The following TTC39B variants were observed in gnomAD, a reference collection of about 807,000 sequenced individuals.
The protein encoded by TTC39B is tetratricopeptide repeat domain 39B.
TTC39B carries 92 observed loss-of-function variants against 96.6 expected under a neutral mutation model. The ratio of observed to expected loss-of-function variants is 0.95; its 90% confidence interval spans 0.80 to 1.13. TTC39B has a LOEUF of 1.13. Among genes scored for constraint, TTC39B ranks in the 50% most tolerant of loss-of-function variants. The pLI is 0.00. For synonymous variants in TTC39B, 367 were observed against 299.4 expected, an observed-to-expected ratio of 1.23 and a Z score of -2.33; for missense variants, 955 against 809.3, an observed-to-expected ratio of 1.18 and a Z score of -2.18.
chr9:15,168,688 T>G (rs936974247), exon 20 of TTC39B: 3 of 152,360 alleles, frequency 2.0e-5, no homozygotes, highest in Non-Finnish European at 2.9e-5. Context: ...GGCGGGCGCC[T>G]GTAGTCCCAG....
intron 2 of TTC39B, among the ~76,000 whole-genome samples, chr9:15,265,126 A>G (rs1823084440): frequency 6.6e-6 from 1 of 152,206 alleles, no homozygotes; most frequent in African/African-American, 2.4e-5. Flanking sequence ...TGAGATAGGA[A>G]TCTAAATTAA....
intron 6 of TTC39B, among the ~76,000 whole-genome samples, chr9:15,205,370 G>A (rs1247378030): frequency 3.3e-5 from 5 of 152,130 alleles, no homozygotes; most frequent in African/African-American, 1.2e-4. Flanking sequence ...GTACTTTCTT[G>A]CACTTATACA....
At chr9:15,300,800 C>T (rs187475724) in intron 1 of TTC39B, among the ~76,000 whole-genome samples, 4 of 136,214 alleles carry the variant, frequency 2.9e-5, no homozygotes, top group Non-Finnish European at 6.2e-5. Flanking sequence ...GCAGGAGAAT[C>T]GGTTGAACCC....
chr9:15,244,977 C>T (rs1822209556), intron 2 of TTC39B, among the ~76,000 whole-genome samples: 1 of 152,182 alleles, frequency 6.6e-6, no homozygotes. Flanking sequence ...GTCATTTTCT[C>T]AGGCTAGATA....
chr9:15,168,025 C>CA (rs1465988781), exon 20 of TTC39B: 2 of 152,162 alleles, frequency 1.3e-5, no homozygotes, highest in Non-Finnish European at 2.9e-5. Context: ...GCAAACTTCA[C>CA]AGATATGTAT....
At chr9:15,163,898 T>C (rs931496446) in exon 20 of TTC39B, 1 of 152,228 alleles carries the variant, frequency 6.6e-6, no homozygotes, top group South Asian at 2.1e-4. Context: ...TGTCATCATG[T>C]TGAAATTTTA....
chr9:15,283,667 G>C (rs960263794), intron 1 of TTC39B, among the ~76,000 whole-genome samples: 1 of 152,136 alleles, frequency 6.6e-6, no homozygotes. Context: ...TATGGAATTG[G>C]CACAGGAACA....
intron 1 of TTC39B, among the ~76,000 whole-genome samples, chr9:15,270,928 A>G (rs1445209427): frequency 6.6e-6 from 1 of 152,212 alleles, no homozygotes; most frequent in East Asian, 1.9e-4. Flanking sequence ...TTTACTGAGT[A>G]CCTATCATGT....
intron 1 of TTC39B, among the ~76,000 whole-genome samples, chr9:15,295,079 A>C (rs891038975): frequency 6.6e-6 from 1 of 152,226 alleles, no homozygotes; most frequent in African/African-American, 2.4e-5. Flanking sequence ...TTACATGCAC[A>C]TGAAGGAAAC....
chr9:15,289,740 A>T (rs117053693), intron 1 of TTC39B, among the ~76,000 whole-genome samples: 1,543 of 152,316 alleles, frequency 0.01, 18 homozygotes, highest in Middle Eastern at 0.017. Context: ...GTTCACTCGT[A>T]ATGGCTTAGA....
intron 6 of TTC39B, among the ~76,000 whole-genome samples, chr9:15,207,024 C>T (rs867775230): frequency 6.6e-6 from 1 of 152,188 alleles, no homozygotes. Context: ...TGACAAGTTC[C>T]TCCTACACGC....
intron 19 of TTC39B, 23 bp from the exon 20 acceptor site, chr9:15,172,132 T>C (rs1269300370): frequency 4.4e-6 from 7 of 1,584,062 alleles, no homozygotes; most frequent in African/African-American, 2.7e-5. Flanking sequence ...ACAATAAAAT[T>C]GTACAGTCAA....
chr9:15,211,448 T>C (rs1820195368), intron 4 of TTC39B, 51 bp from the exon 5 acceptor site: 2 of 1,386,834 alleles, frequency 1.4e-6, no homozygotes, highest in African/African-American at 1.5e-5. Context: ...GAAATACTGA[T>C]CATAAGAAAT....
chr9:15,285,217 C>A (rs575945632), intron 1 of TTC39B, among the ~76,000 whole-genome samples: 1 of 150,590 alleles, frequency 6.6e-6, no homozygotes, highest in African/African-American at 2.4e-5. Flanking sequence ...TGCAGTGAGC[C>A]GAGATCACGC....
exon 14 of TTC39B, chr9:15,188,132 C>T (rs1020134169): frequency 3.1e-6 from 5 of 1,591,240 alleles, no homozygotes; most frequent in Admixed American, 1.8e-5. Context: ...ACTTCTTGTG[C>T]CTGTAAATCA....
At chr9:15,298,588 G>C (rs923167067) in intron 1 of TTC39B, among the ~76,000 whole-genome samples, 1 of 152,076 alleles carries the variant, frequency 6.6e-6, no homozygotes, top group East Asian at 1.9e-4. Flanking sequence ...GTCACAAGAA[G>C]AGCATGGGAA....
chr9:15,201,273 AC>A (rs1819523920), intron 7 of TTC39B, among the ~76,000 whole-genome samples: 4 of 152,004 alleles, frequency 2.6e-5, no homozygotes, highest in African/African-American at 4.8e-5. Flanking sequence ...AAAAAAAAAA[AC>A]AAACATATCT....
In TTC39B at chr9:15,306,730, A is replaced by G. The variant is rs1015270572; in HGVS notation, c.240+354T>C. ...AGGACTTCAGGGTCAGACTTCGTAA[A>G]GCCCAGGCGTCGCTGGGCCGGCCCG... On this transcript the variant is annotated intron_variant, in intron 1 of 19. Coordinates refer to ENST00000512701, the Ensembl canonical transcript of TTC39B. This position sits in a 1 kb window ranked among gnomAD's most constrained non-coding sequence, Gnocchi z 5.1. 1.3e-5 allele frequency among the ~76,000 whole-genome samples: 2 copies of G among 152,170 alleles called. No individual in the cohort carries two copies. The highest frequency in any genetic ancestry group is 4.8e-5 in the African/African-American group (2 of 41,442).
intron 1 of TTC39B, among the ~76,000 whole-genome samples, chr9:15,305,011 A>G (rs1458648961): frequency 6.6e-6 from 1 of 152,196 alleles, no homozygotes; most frequent in Non-Finnish European, 1.5e-5. Context: ...AAAACTATCA[A>G]TATCAAATAA....
Sources: gnomAD v4.1 joint callset for allele counts (sites outside exome capture counted in the v4.1 genomes callset) on GRCh38, gnomAD v4.1.1 for gene constraint, Gnocchi (gnomAD v3.1) non-coding constraint, MANE v1.5 for transcripts, NCBI Gene and HGNC (gene_info 2026-07-23, HGNC 2026-07-21) for gene names.